MCU: variants seen among roughly 807,000 people sequenced by gnomAD.
MCU encodes the protein calcium uniporter protein, mitochondrial.
Under a neutral mutation model 45.2 loss-of-function variants are expected in MCU, and 12 were observed. The observed-to-expected ratio is 0.27, with a 90% CI of 0.17 to 0.43. The LOEUF (loss-of-function observed/expected upper bound fraction) is 0.43, where lower values mean the gene tolerates loss of function less well. MCU is among the 20% of genes least tolerant of loss of function. The pLI is 1.00. For synonymous variants in MCU, 160 were observed against 165.1 expected (o/e 0.97, Z 0.24); for missense variants, 324 against 436.7 (o/e 0.74, Z 2.30).
At chr10:72,833,301 C>G (rs555401068) in intron 1 of MCU, among the ~76,000 whole-genome samples, 1 of 152,248 alleles carries the variant, frequency 6.6e-6, no homozygotes, top group East Asian at 1.9e-4. Context: ...CCTAATGAAT[C>G]AAAGATTTAA....
chr10:72,692,440 C>A (rs1842634659), intron 1 of MCU, 139 bp downstream of exon 1: 2 of 874,308 alleles, frequency 2.3e-6, no homozygotes, highest in African/African-American at 3.6e-5. Flanking sequence ...CACCGAGGAG[C>A]CGCCGTGCCC....
At chr10:72,706,686 G>A (rs778372284) in intron 1 of MCU, among the ~76,000 whole-genome samples, 4 of 151,082 alleles carry the variant, frequency 2.6e-5, no homozygotes, top group African/African-American at 4.9e-5. Flanking sequence ...ACAGGCGTGC[G>A]CCACCACATC....
At chr10:72,863,653 G>C (rs978029310) in intron 4 of MCU, among the ~76,000 whole-genome samples, 8 of 152,144 alleles carry the variant, frequency 5.3e-5, no homozygotes, top group Admixed American at 5.2e-4. Context: ...GTCTCTCTCT[G>C]TCCCCCAGGC....
intron 1 of MCU, among the ~76,000 whole-genome samples, chr10:72,726,537 T>G (rs1843104654): frequency 6.6e-6 from 1 of 152,108 alleles, no homozygotes; most frequent in Non-Finnish European, 1.5e-5. Flanking sequence ...AACATTGTAA[T>G]AAGCATCTTG....
At chr10:72,867,021 A>G (rs557032688) in intron 4 of MCU, among the ~76,000 whole-genome samples, 26 of 150,100 alleles carry the variant, frequency 1.7e-4, no homozygotes, top group Non-Finnish European at 3.0e-4. Context: ...TCTTGCTTTT[A>G]TGTTCCCATT....
intron 1 of MCU, among the ~76,000 whole-genome samples, chr10:72,705,224 G>A (rs1296557058): frequency 6.6e-6 from 1 of 151,962 alleles, no homozygotes; most frequent in Non-Finnish European, 1.5e-5. Context: ...AGCATGTGCA[G>A]GTTTGTTATA....
chr10:72,809,752 G>T (rs1029944817), intron 1 of MCU, among the ~76,000 whole-genome samples: 2 of 152,128 alleles, frequency 1.3e-5, no homozygotes, highest in Non-Finnish European at 2.9e-5. Context: ...CAAGGGCAAA[G>T]AATAAGCCTT....
rs1589511460 is a variant in MCU at position 72,879,821 on chromosome 10, A to G, written c.862-4445A>G. Reference sequence around the variant, plus strand: ...AGCACTTTGGGAGGCTGAGGCGGGCAGATCATTTGAGGTCAGGAGTTTGAG... The same window carrying G: ...AGCACTTTGGGAGGCTGAGGCGGGCGGATCATTTGAGGTCAGGAGTTTGAG... On this transcript the variant is annotated intron_variant, in intron 6 of 7. Coordinates refer to ENST00000373053, the MANE Select transcript of MCU (RefSeq NM_138357.3). Among the ~76,000 whole-genome samples the G allele has an allele frequency of 2.6e-5, 4 of 152,242 alleles. No homozygotes were observed. In the South Asian group the frequency reaches 8.3e-4, roughly 32 times the overall value.
chr10:72,710,877 A>G (rs1842884140), intron 1 of MCU, among the ~76,000 whole-genome samples: 1 of 152,060 alleles, frequency 6.6e-6, no homozygotes, highest in African/African-American at 2.4e-5. Context: ...TTAAAACCTT[A>G]TTTAAAAGGT....
intron 1 of MCU, among the ~76,000 whole-genome samples, chr10:72,778,811 G>A (rs1012915112): frequency 6.6e-6 from 1 of 151,324 alleles, no homozygotes; most frequent in Non-Finnish European, 1.5e-5. Context: ...AATGTACTAA[G>A]CAACAAAGGA....
At chr10:72,702,365 A>G (rs1431266831) in intron 1 of MCU, among the ~76,000 whole-genome samples, 1 of 152,204 alleles carries the variant, frequency 6.6e-6, no homozygotes, top group Non-Finnish European at 1.5e-5. Context: ...TCTCTAGTGT[A>G]CTCTACAACA....
chr10:72,845,243 ATAAG>A (rs1845104106), intron 2 of MCU, among the ~76,000 whole-genome samples: 1 of 152,184 alleles, frequency 6.6e-6, no homozygotes, highest in Admixed American at 6.5e-5. Flanking sequence ...CATTACAAAA[ATAAG>A]TAAGTTCCAG....
chr10:72,733,196 C>T (rs574161852), intron 1 of MCU, among the ~76,000 whole-genome samples: 8 of 152,314 alleles, frequency 5.3e-5, no homozygotes, highest in Admixed American at 3.3e-4. Flanking sequence ...CAGTGGCTCA[C>T]GCCTGTAATC....
At chr10:72,828,298 A>G (rs967786915) in intron 1 of MCU, among the ~76,000 whole-genome samples, 1 of 152,212 alleles carries the variant, frequency 6.6e-6, no homozygotes, top group East Asian at 1.9e-4. Flanking sequence ...GATTTTAGCC[A>G]TGGACAAATA....
intron 1 of MCU, chr10:72,692,924 C>T: frequency 6.6e-7 from 1 of 1,517,300 alleles, no homozygotes; most frequent in Non-Finnish European, 8.8e-7. Flanking sequence ...GAGATGGATG[C>T]TGCATTGCTT....
intron 1 of MCU, among the ~76,000 whole-genome samples, chr10:72,825,979 C>CCCTAT (rs1439348047): frequency 1.3e-5 from 2 of 152,128 alleles, no homozygotes; most frequent in African/African-American, 2.4e-5. Context: ...TCTCTATGAG[C>CCCTAT]CCTAGTTGCT....
chr10:72,793,878 A>G (rs1844205218), intron 1 of MCU, among the ~76,000 whole-genome samples: 1 of 152,110 alleles, frequency 6.6e-6, no homozygotes, highest in Admixed American at 6.5e-5. Flanking sequence ...TTCAAGACCC[A>G]CTTCTTGATG....
intron 1 of MCU, among the ~76,000 whole-genome samples, chr10:72,757,766 AAT>A (rs1843599432): frequency 1.3e-5 from 2 of 152,258 alleles, no homozygotes; most frequent in African/African-American, 2.4e-5. Context: ...TCAGAGAAGA[AAT>A]ATAATTTTTC....
intron 1 of MCU, among the ~76,000 whole-genome samples, chr10:72,721,433 A>G (rs935035476): frequency 1.3e-5 from 2 of 152,170 alleles, no homozygotes; most frequent in Non-Finnish European, 2.9e-5. Context: ...GCTTCAGCAC[A>G]TCACTGTTGA....
Sources: allele counts gnomAD v4.1 joint callset (sites outside exome capture counted in the v4.1 genomes callset), GRCh38; gene constraint gnomAD v4.1.1; transcripts MANE v1.5; gene names NCBI Gene and HGNC (gene_info 2026-07-23, HGNC 2026-07-21).